The following RBMS3 variants were observed in gnomAD, a reference collection of about 807,000 sequenced individuals.
The protein encoded by RBMS3 is RNA-binding motif, single-stranded-interacting protein 3.
RBMS3 carries 27 observed loss-of-function variants against 66.8 expected under a neutral mutation model. The observed-to-expected ratio is 0.40, with a 90% CI of 0.30 to 0.56. RBMS3 has a LOEUF of 0.56. RBMS3 is among the 20% of genes least tolerant of loss of function. RBMS3 has a pLI of 0.40. For missense variants in RBMS3, 513 were observed against 549.5 expected (o/e 0.93, Z 0.66); for synonymous variants, 188 against 183.0 (o/e 1.03, Z -0.22).
intron 2 of RBMS3, among the ~76,000 whole-genome samples, chr3:29,454,558 A>T (rs1350354182): frequency 6.6e-6 from 1 of 152,190 alleles, no homozygotes; most frequent in Non-Finnish European, 1.5e-5. Flanking sequence ...GACAAGCACC[A>T]ACAGGACGCT....
chr3:29,571,695 A>C (rs569939222), intron 3 of RBMS3, among the ~76,000 whole-genome samples: 1 of 152,278 alleles, frequency 6.6e-6, no homozygotes, highest in South Asian at 2.1e-4. Context: ...TATAATTTGA[A>C]GTCAGGTAAT....
intron 4 of RBMS3, among the ~76,000 whole-genome samples, chr3:29,706,928 T>C (rs79526518): frequency 0.028 from 4,246 of 152,282 alleles, 84 homozygotes; most frequent in Admixed American, 0.064. Flanking sequence ...TAAAAGATGG[T>C]TTGCTACTTA....
chr3:29,628,484 C>A (rs2049151797), intron 4 of RBMS3, among the ~76,000 whole-genome samples: 1 of 152,106 alleles, frequency 6.6e-6, no homozygotes, highest in South Asian at 2.1e-4. Flanking sequence ...CCGTATCCAA[C>A]TCTTATGACT....
At chr3:29,966,162 C>A (rs1696835063) in intron 12 of RBMS3, among the ~76,000 whole-genome samples, 1 of 151,964 alleles carries the variant, frequency 6.6e-6, no homozygotes, top group African/African-American at 2.4e-5. Context: ...TGGTGCGATA[C>A]CTCCAGATTT....
intron 6 of RBMS3, among the ~76,000 whole-genome samples, chr3:29,820,921 A>G (rs1036275997): frequency 1.3e-5 from 2 of 152,198 alleles, no homozygotes; most frequent in East Asian, 1.9e-4. Context: ...TCCCGTCTCA[A>G]TAAACAAACC....
intron 2 of RBMS3, among the ~76,000 whole-genome samples, chr3:29,443,431 CATT>C (rs2041701473): frequency 6.6e-6 from 1 of 151,936 alleles, no homozygotes; most frequent in Non-Finnish European, 1.5e-5. Context: ...AATTAAAAAA[CATT>C]AGAATATGTA....
chr3:30,001,224 G>A (rs901041230), intron 14 of RBMS3, among the ~76,000 whole-genome samples: 1 of 151,922 alleles, frequency 6.6e-6, no homozygotes, highest in Admixed American at 6.6e-5. Context: ...AATATACTGT[G>A]ACATTTTTCC....
intron 4 of RBMS3, among the ~76,000 whole-genome samples, chr3:29,694,805 C>G (rs1341143406): frequency 6.6e-6 from 1 of 151,918 alleles, no homozygotes. Flanking sequence ...CATCTCCCAC[C>G]CCAGCCCCAA....
At chr3:29,799,123 T>G (rs1022761345) in intron 6 of RBMS3, among the ~76,000 whole-genome samples, 2 of 152,184 alleles carry the variant, frequency 1.3e-5, no homozygotes, top group Non-Finnish European at 2.9e-5. Context: ...TCAATGCCTC[T>G]CAGTCATCCA....
rs1461558654 is a variant in RBMS3 at position 29,359,497 on chromosome 3, C to G, written c.76-75246C>G. Among the ~76,000 whole-genome samples, 4 of 152,138 alleles carry G rather than the reference C, an allele frequency of 2.6e-5. No homozygotes were observed. In the East Asian group the frequency reaches 7.7e-4, roughly 29 times the overall value. ...ATCAATGTTCATCAGGGGTATTGGT[C>G]TAAAATTCTCTTTTTTTGTTGTGTC... On this transcript the variant is annotated intron_variant, in intron 1 of 14. Transcript: ENST00000383767.
chr3:29,571,494 A>T (rs2046952660), intron 3 of RBMS3, among the ~76,000 whole-genome samples: 1 of 152,102 alleles, frequency 6.6e-6, no homozygotes, highest in Non-Finnish European at 1.5e-5. Flanking sequence ...CTGTATATGG[A>T]TATCTAGTTT....
intron 1 of RBMS3, among the ~76,000 whole-genome samples, chr3:29,336,107 A>C (rs537153670): frequency 1.3e-5 from 2 of 152,312 alleles, no homozygotes; most frequent in East Asian, 3.9e-4. Flanking sequence ...CATCTTTAAC[A>C]AATATGTGTT....
intron 3 of RBMS3, among the ~76,000 whole-genome samples, chr3:29,551,573 T>C (rs1261232324): frequency 5.9e-5 from 9 of 152,236 alleles, no homozygotes; most frequent in Admixed American, 5.9e-4. Context: ...AGGTCTTACT[T>C]GCATATTCGT....
chr3:29,560,707 A>G (rs2046519904), intron 3 of RBMS3, among the ~76,000 whole-genome samples: 1 of 152,202 alleles, frequency 6.6e-6, no homozygotes, highest in Admixed American at 6.5e-5. Context: ...AAAGATGGTC[A>G]TTTTGTTGTA....
At chr3:29,394,346 G>C (rs2039448553) in intron 1 of RBMS3, among the ~76,000 whole-genome samples, 1 of 152,232 alleles carries the variant, frequency 6.6e-6, no homozygotes, top group East Asian at 1.9e-4. Context: ...CTGTTATCCT[G>C]TTCCTTTTCA....
intron 1 of RBMS3, among the ~76,000 whole-genome samples, chr3:29,430,634 A>C (rs2041147714): frequency 6.6e-6 from 1 of 152,218 alleles, no homozygotes. Context: ...CTAGGGGGGA[A>C]AAGAATTAAG....
At chr3:29,451,240 T>G (rs1422407330) in intron 2 of RBMS3, among the ~76,000 whole-genome samples, 2 of 152,186 alleles carry the variant, frequency 1.3e-5, no homozygotes, top group Admixed American at 6.5e-5. Context: ...TTAGTACATG[T>G]TTGTATATTA....
intron 1 of RBMS3, among the ~76,000 whole-genome samples, chr3:29,333,000 AT>A (rs1397209084): frequency 2.0e-5 from 3 of 152,168 alleles, no homozygotes; most frequent in African/African-American, 7.2e-5. Context: ...TCTATTAAAT[AT>A]AGAAAAATTT....
intron 10 of RBMS3, chr3:29,934,140 G>A (rs979947866): frequency 6.6e-6 from 1 of 152,094 alleles, no homozygotes; most frequent in Non-Finnish European, 1.5e-5. Flanking sequence ...TGTGGCTAGA[G>A]CAAGCTGTTT....
Sources: gnomAD v4.1 joint callset for allele counts (sites outside exome capture counted in the v4.1 genomes callset) on GRCh38, gnomAD v4.1.1 for gene constraint, MANE v1.5 for transcripts, NCBI Gene and HGNC (gene_info 2026-07-23, HGNC 2026-07-21) for gene names.